PIK3C2A: variants seen among roughly 807,000 people sequenced by gnomAD.
PIK3C2A encodes the protein phosphatidylinositol-4-phosphate 3-kinase catalytic subunit type 2 alpha.
Under a neutral mutation model 204.5 loss-of-function variants are expected in PIK3C2A, and 97 were observed. The observed-to-expected ratio is 0.47, with a 90% CI of 0.40 to 0.56. The LOEUF (loss-of-function observed/expected upper bound fraction) is 0.56. PIK3C2A is among the 20% of genes least tolerant of loss of function. The probability of loss-of-function intolerance (pLI) is 0.00; values close to 1 mark genes in which losing one functional copy is unlikely to be tolerated. For missense variants in PIK3C2A, 1,735 were observed against 1,969.2 expected (o/e 0.88, Z 2.25); for synonymous variants, 653 against 664.4 (o/e 0.98, Z 0.26).
chr11:17,154,597 G>A (rs1850523056), intron 3 of PIK3C2A, among the ~76,000 whole-genome samples: 1 of 152,022 alleles, frequency 6.6e-6, no homozygotes, highest in African/African-American at 2.4e-5. Context: ...TGGCCACAAG[G>A]ACTGTTGTTC....
chr11:17,193,161 C>T (rs531779185), intron 1 of PIK3C2A, among the ~76,000 whole-genome samples: 2 of 152,344 alleles, frequency 1.3e-5, no homozygotes, highest in South Asian at 4.1e-4. Flanking sequence ...CTACCATGCC[C>T]TTGGACTTCC....
intron 1 of PIK3C2A, among the ~76,000 whole-genome samples, chr11:17,195,693 A>G (rs567605305): frequency 6.6e-6 from 1 of 151,498 alleles, no homozygotes; most frequent in South Asian, 2.1e-4. Flanking sequence ...CAGTGAGCCA[A>G]TATCATGCCA....
intron 1 of PIK3C2A, among the ~76,000 whole-genome samples, chr11:17,174,204 G>C (rs1224757652): frequency 1.3e-5 from 2 of 152,166 alleles, no homozygotes; most frequent in East Asian, 3.8e-4. Context: ...CAAGAGTATG[G>C]ATATATGGTA....
At position 17,086,685 on chromosome 11, in the gene PIK3C2A, T is replaced by C. The variant is rs1317928161; in HGVS notation, c.*3053A>G. 1.3e-5 allele frequency: 2 copies of C among 152,218 alleles called. No homozygotes were observed. Among genetic ancestry groups the C allele is most frequent in the Non-Finnish European group, 2.9e-5 (2 of 68,048 alleles). 9.4% of individuals were successfully genotyped at this position (152,218 alleles called of 1,614,324 possible). A position where few individuals can be genotyped will look rare whatever the true frequency, so the allele number is the denominator to read the frequency against. On this transcript the variant is annotated 3_prime_UTR_variant, in exon 33 of 33. Coordinates refer to ENST00000691414, the MANE Select transcript of PIK3C2A (RefSeq NM_002645.4). ...AAATATTATACATCTTTATTCACTATCTTAATATAATTAAAGTATTTGGTT... is the reference window on the plus strand; with the variant it reads ...AAATATTATACATCTTTATTCACTACCTTAATATAATTAAAGTATTTGGTT...
At chr11:17,126,679 T>A (rs1849537602) in intron 13 of PIK3C2A, among the ~76,000 whole-genome samples, 1 of 152,228 alleles carries the variant, frequency 6.6e-6, no homozygotes, top group East Asian at 1.9e-4. Flanking sequence ...TGAGTATTCC[T>A]TGAACGTGAA....
rs993395426 is a variant in PIK3C2A, at chr11:17,102,646, A to G, written c.3851+16T>C. The G allele has an allele frequency of 3.2e-6, 5 of 1,567,126 alleles. No homozygotes were observed. The highest frequency in any genetic ancestry group is 4.3e-6 in the Non-Finnish European group (5 of 1,154,904). On this transcript the variant is annotated intron_variant, in intron 24 of 32. Transcript: ENST00000691414. ...GGAAGTGCCTCATTTCTTTGGCAAC[A>G]GCAATAACATTATACCTTTTGAAGC...
chr11:17,147,463 G>A (rs1286185773), intron 6 of PIK3C2A, 54 bp downstream of exon 6: 1 of 992,072 alleles, frequency 1.0e-6, no homozygotes, highest in Non-Finnish European at 1.6e-6. Flanking sequence ...TGGCAAATTA[G>A]CAGAATTATT....
chr11:17,200,887 CATT>C (rs1220900586), intron 1 of PIK3C2A, among the ~76,000 whole-genome samples: 2 of 152,152 alleles, frequency 1.3e-5, no homozygotes, highest in African/African-American at 4.8e-5. Flanking sequence ...TGATAAATGT[CATT>C]ATGAGATCTA....
At chr11:17,090,047 A>AAAACCTACCGGATGTGT in intron 32 of PIK3C2A, 127 bp from the exon 33 acceptor site, 1 of 674,092 alleles carries the variant, frequency 1.5e-6, no homozygotes, top group Non-Finnish European at 2.5e-6. Context: ...TGATTATGAC[A>AAAACCTACCGGATGTGT]CATCCGGTAG....
chr11:17,119,489 T>G (rs1849305843), intron 16 of PIK3C2A, among the ~76,000 whole-genome samples, 176 bp from the exon 17 acceptor site: 1 of 152,196 alleles, frequency 6.6e-6, no homozygotes, highest in South Asian at 2.1e-4. Context: ...CTATACAGAT[T>G]CAATTTAGGG....
intron 19 of PIK3C2A, among the ~76,000 whole-genome samples, chr11:17,115,003 A>G (rs1391820160): frequency 1.3e-5 from 2 of 152,232 alleles, no homozygotes; most frequent in Non-Finnish European, 2.9e-5. Context: ...AAAACAGGTA[A>G]ACAATGTATA....
At chr11:17,156,058 G>T (rs938586239) in intron 2 of PIK3C2A, among the ~76,000 whole-genome samples, 3 of 152,054 alleles carry the variant, frequency 2.0e-5, no homozygotes, top group African/African-American at 4.8e-5. Context: ...AAGAAAGATG[G>T]TTTTTTATGT....
intron 1 of PIK3C2A, among the ~76,000 whole-genome samples, chr11:17,184,191 A>G (rs984105759): frequency 2.6e-5 from 4 of 151,052 alleles, no homozygotes; most frequent in African/African-American, 9.7e-5. Flanking sequence ...TATATTTTTC[A>G]TTGTTACTTT....
intron 1 of PIK3C2A, 133 bp downstream of exon 1, chr11:17,207,715 G>A (rs372167511): frequency 2.0e-5 from 3 of 152,280 alleles, no homozygotes; most frequent in East Asian, 1.9e-4. Context: ...GGGATGGAGG[G>A]TCAGACGCGG....
chr11:17,108,448 T>A (rs1848900679), intron 22 of PIK3C2A, among the ~76,000 whole-genome samples: 1 of 151,960 alleles, frequency 6.6e-6, no homozygotes, highest in Admixed American at 6.6e-5. Flanking sequence ...TGAAAAATTT[T>A]AAAAATTAGC....
chr11:17,125,010 A>G (rs1425410580), intron 13 of PIK3C2A, among the ~76,000 whole-genome samples: 2 of 152,160 alleles, frequency 1.3e-5, no homozygotes, highest in African/African-American at 4.8e-5. Flanking sequence ...ATTGTATACT[A>G]CTTCTAATTC....
intron 5 of PIK3C2A, chr11:17,148,330 G>T: frequency 5.6e-6 from 1 of 177,718 alleles, no homozygotes; most frequent in Non-Finnish European, 1.2e-5. Context: ...AGTGCATGTT[G>T]CAAGAGGAAT....
In PIK3C2A at chr11:17,148,933, T is replaced by C. The variant is rs1590964081; in HGVS notation, c.1328-146A>G. ...ACATATATAATTTTAAATTTTCTAG[T>C]TGCCACATTGAAAAAAGTAAATGGA... On this transcript the variant is annotated intron_variant, in intron 4 of 32. Transcript: ENST00000691414. 9.5e-6 allele frequency: 5 copies of C among 528,478 alleles called. No homozygotes were observed. In the East Asian group the frequency reaches 1.3e-4, roughly 13 times the overall value. The allele number at this position is 528,478 out of a possible 1,614,324, so 32.7% of individuals were successfully genotyped here.
chr11:17,160,405 T>C (rs182652124), intron 2 of PIK3C2A, among the ~76,000 whole-genome samples: 25 of 152,310 alleles, frequency 1.6e-4, no homozygotes, highest in Non-Finnish European at 2.9e-4. Context: ...TGTAGTCAAT[T>C]TTTAAAAAAT....
Sources: allele counts gnomAD v4.1 joint callset (sites outside exome capture counted in the v4.1 genomes callset), GRCh38; gene constraint gnomAD v4.1.1; transcripts MANE v1.5; gene names NCBI Gene and HGNC (gene_info 2026-07-23, HGNC 2026-07-21).